RASGRF1: variants seen among roughly 807,000 people sequenced by gnomAD.
The protein encoded by RASGRF1 is Ras protein specific guanine nucleotide releasing factor 1, also known as ras-specific guanine nucleotide-releasing factor 1.
RASGRF1 carries 40 observed loss-of-function variants against 138.7 expected under a neutral mutation model. The ratio of observed to expected loss-of-function variants is 0.29; its 90% confidence interval spans 0.22 to 0.38. The LOEUF (loss-of-function observed/expected upper bound fraction) is 0.38. Ranked by LOEUF, RASGRF1 falls within the 10% of genes least tolerant of loss-of-function variation. RASGRF1 has a pLI of 1.00. For synonymous variants in RASGRF1, 614 were observed against 663.2 expected, an observed-to-expected ratio of 0.93 and a Z score of 1.14; for missense variants, 1,108 against 1,650.4, an observed-to-expected ratio of 0.67 and a Z score of 5.69.
At chr15:79,018,837 C>T (rs2056917704) in intron 11 of RASGRF1, among the ~76,000 whole-genome samples, 1 of 152,028 alleles carries the variant, frequency 6.6e-6, no homozygotes, top group Non-Finnish European at 1.5e-5. Flanking sequence ...CTCCCTGGGC[C>T]TAGGAGGGTA....
chr15:78,998,202 C>A lies in RASGRF1; in HGVS notation c.2860G>T (p.Glu954Ter). Residue 954 changes from glutamate (E) to a stop codon, truncating the protein, a stop_gained, in exon 19 of 27, where the codon GAG (glutamate) becomes TAG (stop). Transcript: ENST00000558480. LOFTEE classifies it high-confidence loss of function. ...TTGCATTTGAGCTCATCGTTGGTCT[C>A]AAAGTCCTGCCGGGAAGGTGTGATG... ...HWVSKHSQDF[E>*]TNDELKCKVI... is the part of the protein sequence containing the mutation. The A allele has an allele frequency of 6.2e-7, 1 of 1,614,066 alleles. No homozygotes were observed. The highest frequency in any genetic ancestry group is 8.5e-7 in the Non-Finnish European group (1 of 1,179,894).
rs551294752 is a variant in RASGRF1 at position 78,985,147 on chromosome 15, T to G, written c.3274A>C (p.Ser1092Arg). ...IRNEDINARV[S>R]AIEKWVAVAD... is the part of the protein sequence containing the mutation. ...ACGGCCACCCACTTCTCGATGGCGCTCACCCTGGCGTTGATGTCCTCATTG... is the reference window on the plus strand; with the variant it reads ...ACGGCCACCCACTTCTCGATGGCGCGCACCCTGGCGTTGATGTCCTCATTG... Residue 1092 changes from serine to arginine, a missense_variant, in exon 23 of 27, where the codon AGC (serine) becomes CGC (arginine). This residue lies in a region of RASGRF1 where 686 missense variants were observed against 976.7 expected (regional missense o/e 0.70). Coordinates refer to ENST00000558480, the MANE Select transcript of RASGRF1 (RefSeq NM_001145648.3). 1 of 1,613,590 alleles carries G rather than the reference T, an allele frequency of 6.2e-7. No homozygotes were observed. Among genetic ancestry groups the G allele is most frequent in the Admixed American group, 1.7e-5 (1 of 60,026 alleles).
intron 21 of RASGRF1, 78 bp downstream of exon 21, chr15:78,991,613 C>T: frequency 1.7e-6 from 2 of 1,171,274 alleles, no homozygotes; most frequent in East Asian, 2.4e-5. Context: ...TGGAAATTCA[C>T]TGCGTGTGCT....
intron 26 of RASGRF1, 57 bp downstream of exon 26, chr15:78,971,809 G>T: frequency 6.8e-7 from 1 of 1,460,688 alleles, no homozygotes; most frequent in African/African-American, 1.4e-5. Flanking sequence ...GGTGGAAGGT[G>T]GCCTAGACAG....
At chr15:79,012,233 G>C (rs1215106494) in intron 13 of RASGRF1, among the ~76,000 whole-genome samples, 4 of 152,134 alleles carry the variant, frequency 2.6e-5, no homozygotes. Context: ...TGTTCATGCT[G>C]TTCCCTCTTC....
At chr15:79,052,334 T>A (rs1054058547) in intron 3 of RASGRF1, among the ~76,000 whole-genome samples, 1 of 152,230 alleles carries the variant, frequency 6.6e-6, no homozygotes, top group Non-Finnish European at 1.5e-5. Context: ...TTTCTCTTTG[T>A]TAGCAGCCAA....
chr15:79,088,580 C>T (rs371370659), intron 1 of RASGRF1, among the ~76,000 whole-genome samples: 2 of 152,280 alleles, frequency 1.3e-5, no homozygotes, highest in East Asian at 3.9e-4. Context: ...TGGCTTCCCC[C>T]ACCCCTCACT....
intron 1 of RASGRF1, among the ~76,000 whole-genome samples, chr15:79,069,386 C>A (rs1165261709): frequency 1.3e-5 from 2 of 152,182 alleles, no homozygotes; most frequent in Non-Finnish European, 2.9e-5. Context: ...GGGACACAGG[C>A]CCATGTGGGG....
intron 22 of RASGRF1, 179 bp from the exon 23 acceptor site, chr15:78,985,383 A>G: frequency 4.9e-6 from 3 of 610,422 alleles, no homozygotes; most frequent in Non-Finnish European, 8.4e-6. Context: ...TACAAAAATG[A>G]AAAGTTTATA....
intron 26 of RASGRF1, among the ~76,000 whole-genome samples, chr15:78,971,445 T>G (rs2055758123): frequency 6.6e-6 from 1 of 152,236 alleles, no homozygotes; most frequent in African/African-American, 2.4e-5. Flanking sequence ...CTTGTGTTTA[T>G]GGATTGCCTG....
chr15:79,088,311 A>T (rs948512174), intron 1 of RASGRF1, among the ~76,000 whole-genome samples: 3 of 152,170 alleles, frequency 2.0e-5, no homozygotes, highest in African/African-American at 7.2e-5. Context: ...TTCAGATTCA[A>T]CTGTGATTCG....
intron 17 of RASGRF1, 54 bp from the exon 18 acceptor site, chr15:78,998,879 G>A (rs117782998): frequency 0.017 from 24,797 of 1,422,424 alleles, 282 homozygotes; most frequent in Non-Finnish European, 0.021. Context: ...AAGAAACAGA[G>A]CTTGACACTA....
intron 1 of RASGRF1, among the ~76,000 whole-genome samples, chr15:79,067,852 CAG>C (rs1567608177): frequency 6.6e-6 from 1 of 151,978 alleles, no homozygotes; most frequent in African/African-American, 2.4e-5. Flanking sequence ...GACACAGAGA[CAG>C]AGTATAATCC....
rs577226585 is a variant in RASGRF1, at chr15:79,020,034, C to T, written c.1606+7G>A. ...CACACATGCGCACATGCAGCTTTCA[C>T]ACTCACCTTCCTCCTCCGTGCTTTC... On this transcript the variant is annotated splice_region_variant and intron_variant, in intron 11 of 26. Coordinates refer to ENST00000558480, the MANE Select transcript of RASGRF1 (RefSeq NM_001145648.3). 15 of 1,613,932 alleles carry T rather than the reference C, an allele frequency of 9.3e-6. No individual in the cohort carries two copies. Among genetic ancestry groups the T allele is most frequent in the Admixed American group, 3.3e-5 (2 of 60,012 alleles).
chr15:78,971,943 A>G lies in RASGRF1; in HGVS notation c.3613-9T>C, dbSNP rs1234590014. 3 of 1,570,938 alleles carry G rather than the reference A, an allele frequency of 1.9e-6. No individual in the cohort carries two copies. The highest frequency in any genetic ancestry group is 2.6e-6 in the Non-Finnish European group (3 of 1,140,842). On this transcript the variant is annotated splice_polypyrimidine_tract_variant and intron_variant, in intron 25 of 26. Coordinates refer to ENST00000558480, the MANE Select transcript of RASGRF1 (RefSeq NM_001145648.3). Reference sequence around the variant, plus strand: ...CGGATAATATGGGATATCTGTGGGAAGGAAGGAGTGTTTCAGAATGCAGTT... The same window carrying G: ...CGGATAATATGGGATATCTGTGGGAGGGAAGGAGTGTTTCAGAATGCAGTT...
intron 15 of RASGRF1, among the ~76,000 whole-genome samples, chr15:79,002,037 C>G (rs2056541066): frequency 6.6e-6 from 1 of 152,198 alleles, no homozygotes; most frequent in African/African-American, 2.4e-5. Flanking sequence ...ACCAGACACA[C>G]CTGGGGATCT....
chr15:79,050,645 T>C lies in RASGRF1; in HGVS notation c.532-1057A>G, dbSNP rs964674502. 3.9e-5 allele frequency among the ~76,000 whole-genome samples: 6 copies of C among 152,178 alleles called. No individual in the cohort carries two copies. The highest frequency in any genetic ancestry group is 2.1e-4 in the South Asian group (1 of 4,828). ...CATCTCCATTTGCATAATTTGGGGA[T>C]CACAGATGTCGACATAGCTGCAAGA... is the stretch of plus-strand genomic sequence containing the variant. On this transcript the variant is annotated intron_variant, in intron 3 of 26. Transcript: ENST00000558480. This position sits in a 1 kb window ranked among gnomAD's most constrained non-coding sequence, Gnocchi z 4.1.
chr15:79,071,751 A>C, intron 1 of RASGRF1, among the ~76,000 whole-genome samples: 1 of 149,660 alleles, frequency 6.7e-6, no homozygotes, highest in Non-Finnish European at 1.5e-5. Flanking sequence ...TTCCCTCCCC[A>C]CTCTTCCCAG....
At chr15:79,066,450 A>G (rs539370408) in intron 1 of RASGRF1, among the ~76,000 whole-genome samples, 5 of 152,344 alleles carry the variant, frequency 3.3e-5, no homozygotes, top group African/African-American at 1.2e-4. Flanking sequence ...ATCAGAAACA[A>G]GGCACTCAGC....
Sources: allele counts gnomAD v4.1 joint callset (sites outside exome capture counted in the v4.1 genomes callset), GRCh38; gene constraint gnomAD v4.1.1; regional missense constraint gnomAD v4.1.1; non-coding constraint Gnocchi (gnomAD v3.1); transcripts MANE v1.5; gene names NCBI Gene and HGNC (gene_info 2026-07-23, HGNC 2026-07-21).